The following KCNG3 variants were observed in gnomAD, a reference collection of about 807,000 sequenced individuals.
KCNG3 encodes the protein voltage-gated potassium channel regulatory subunit KCNG3.
In KCNG3, 15 loss-of-function variants were observed where a neutral mutation model predicts 29.0. The ratio of observed to expected loss-of-function variants is 0.52; its 90% CI spans 0.35 to 0.80. The LOEUF is 0.80. Ranked by LOEUF, KCNG3 falls within the 30% of genes least tolerant of loss-of-function variation. The pLI is 0.01. For synonymous variants in KCNG3, 322 were observed against 248.9 expected (o/e 1.29, Z -2.76); for missense variants, 512 against 605.7 (o/e 0.85, Z 1.62).
intron 1 of KCNG3, among the ~76,000 whole-genome samples, chr2:42,459,929 T>C (rs751082498): frequency 1.3e-4 from 19 of 150,902 alleles, no homozygotes; most frequent in Admixed American, 3.3e-4. Context: ...GGAGCCGAGA[T>C]TGCACCACTG....
the KCNG3 span, among the ~76,000 whole-genome samples, chr2:42,413,138 T>A: frequency 6.6e-6 from 1 of 152,058 alleles, no homozygotes; most frequent in South Asian, 2.1e-4. Context: ...TAGCTAAGAC[T>A]ACAGGTGTGT....
chr2:42,434,428 C>G, the KCNG3 span, among the ~76,000 whole-genome samples: 1 of 119,484 alleles, frequency 8.4e-6, no homozygotes, highest in African/African-American at 3.3e-5. Context: ...CACTGCACTC[C>G]AGCCTGGGCA....
intron 1 of KCNG3, among the ~76,000 whole-genome samples, chr2:42,468,825 G>A (rs1673209659): frequency 6.6e-6 from 1 of 151,560 alleles, no homozygotes; most frequent in Admixed American, 6.6e-5. Flanking sequence ...CTTGGTGGCA[G>A]GCACCTGTAA....
rs940997738 is a variant in KCNG3, at chr2:42,492,020, T to A, written c.665+817A>T. 8.5e-5 allele frequency among the ~76,000 whole-genome samples: 13 copies of A among 152,340 alleles called. No homozygotes were observed. In the South Asian group the frequency reaches 1.0e-3, roughly 12 times the overall value. ...ACTTGTACTAAAAACAGGAAAGTGC[T>A]ATCACCACTTCAAGGTAAGACAGTC... On this transcript the variant is annotated intron_variant, in intron 1 of 1. Transcript: ENST00000306078.
the KCNG3 span, among the ~76,000 whole-genome samples, chr2:42,402,608 T>A: frequency 6.6e-6 from 1 of 152,200 alleles, no homozygotes; most frequent in African/African-American, 2.4e-5. Context: ...GGGATAGAGA[T>A]TTTATCTTTT....
the KCNG3 span, among the ~76,000 whole-genome samples, chr2:42,392,596 G>C: frequency 6.6e-6 from 1 of 152,142 alleles, no homozygotes. Context: ...TTAGTTGGGT[G>C]CTACAGCCAA....
At chr2:42,452,243 A>ATATATATATATATATATTTTTTT in intron 1 of KCNG3, among the ~76,000 whole-genome samples, 12 of 95,044 alleles carry the variant, frequency 1.3e-4, no homozygotes, top group African/African-American at 3.5e-4. Flanking sequence ...ATATATATAT[A>ATATATATATATATATATTTTTTT]TTTTTTTTTT....
intron 1 of KCNG3, among the ~76,000 whole-genome samples, chr2:42,453,533 G>A (rs1672812320): frequency 6.6e-6 from 1 of 152,058 alleles, no homozygotes; most frequent in Non-Finnish European, 1.5e-5. Context: ...CAGATTTTTT[G>A]CCCATTTTTA....
At chr2:42,437,397 T>C (rs1366284826), downstream of KCNG3, among the ~76,000 whole-genome samples, 2 of 152,166 alleles carry the variant, frequency 1.3e-5, no homozygotes, top group African/African-American at 4.8e-5. Context: ...GCCTTCCAAA[T>C]GGTAAGAATT....
At chr2:42,474,524 C>G (rs911694455) in intron 1 of KCNG3, among the ~76,000 whole-genome samples, 5 of 152,062 alleles carry the variant, frequency 3.3e-5, no homozygotes, top group African/African-American at 9.7e-5. Flanking sequence ...AAGACTCCAT[C>G]TCAAAAGAAA....
intron 1 of KCNG3, among the ~76,000 whole-genome samples, chr2:42,484,981 C>T (rs1249793411): frequency 6.6e-6 from 1 of 152,198 alleles, no homozygotes; most frequent in African/African-American, 2.4e-5. Flanking sequence ...AGACTTTCAT[C>T]TTCAGTTTCA....
the KCNG3 span, among the ~76,000 whole-genome samples, chr2:42,399,480 G>A: frequency 2.6e-5 from 4 of 152,184 alleles, no homozygotes; most frequent in Non-Finnish European, 4.4e-5. Flanking sequence ...CTACTGACAT[G>A]TTATATAGCA....
rs139141260 is a variant in KCNG3 at position 42,462,393 on chromosome 2, A to T, written c.666-17814T>A. On this transcript the variant is annotated intron_variant, in intron 1 of 1. Coordinates refer to ENST00000306078, the MANE Select transcript of KCNG3 (RefSeq NM_133329.6). ...AGGACTGGGATGGGAACAGGTCATGAAGATCTGTCTAAAAAGATCCCTTAG... is the reference window on the plus strand; with the variant it reads ...AGGACTGGGATGGGAACAGGTCATGTAGATCTGTCTAAAAAGATCCCTTAG... 9.2e-5 allele frequency among the ~76,000 whole-genome samples: 14 copies of T among 152,346 alleles called. No homozygotes were observed. In the East Asian group the frequency reaches 2.3e-3, roughly 25 times the overall value.
intron 1 of KCNG3, among the ~76,000 whole-genome samples, chr2:42,476,549 C>T (rs1305396574): frequency 2.0e-5 from 3 of 152,098 alleles, no homozygotes; most frequent in Admixed American, 1.3e-4. Flanking sequence ...TGCAGTGGCA[C>T]GATCTCAGCT....
chr2:42,400,774 GA>G, the KCNG3 span, among the ~76,000 whole-genome samples: 1 of 151,376 alleles, frequency 6.6e-6, no homozygotes, highest in Admixed American at 6.6e-5. Flanking sequence ...TATCCCACTG[GA>G]AAAAATGGGT....
chr2:42,452,667 C>G (rs566594404), intron 1 of KCNG3, among the ~76,000 whole-genome samples: 55 of 152,218 alleles, frequency 3.6e-4, no homozygotes, highest in African/African-American at 1.3e-3. Context: ...AAAAAATGAC[C>G]TCCAGTTCCA....
rs1672538022 is a variant in KCNG3, at chr2:42,443,743, C to T, written c.*191G>A. On this transcript the variant is annotated 3_prime_UTR_variant, in exon 2 of 2. Transcript: ENST00000306078. ...GTTTACTCTAGGAGTCATTATTCTT[C>T]CTTTGCAGTCTCAATTCTATTTACT... 1 of 528,002 alleles carries T rather than the reference C, an allele frequency of 1.9e-6. No homozygotes were observed. The highest frequency in any genetic ancestry group is 1.9e-5 in the African/African-American group (1 of 52,272). 32.7% of individuals were successfully genotyped at this position (528,002 alleles called of 1,614,324 possible).
chr2:42,469,294 G>A (rs957675691), intron 1 of KCNG3, among the ~76,000 whole-genome samples: 1 of 151,752 alleles, frequency 6.6e-6, no homozygotes, highest in Non-Finnish European at 1.5e-5. Flanking sequence ...GTGCATGCCT[G>A]TAATCCCAGC....
chr2:42,404,190 C>A, the KCNG3 span, among the ~76,000 whole-genome samples: 1 of 152,136 alleles, frequency 6.6e-6, no homozygotes, highest in African/African-American at 2.4e-5. Context: ...TTAGCTGGGA[C>A]AATTTTGGTA....
Sources: gnomAD v4.1 joint callset for allele counts (sites outside exome capture counted in the v4.1 genomes callset) on GRCh38, gnomAD v4.1.1 for gene constraint, MANE v1.5 for transcripts, NCBI Gene and HGNC (gene_info 2026-07-23, HGNC 2026-07-21) for gene names.